The following GMFG variants were observed in gnomAD, a reference collection of about 807,000 sequenced individuals.
GMFG encodes the protein glia maturation factor gamma.
GMFG carries 21 observed loss-of-function variants against 26.1 expected under a neutral mutation model. The ratio of observed to expected loss-of-function variants is 0.80; its 90% CI spans 0.57 to 1.16. The LOEUF is 1.16. Ranked by LOEUF, GMFG falls within the 50% of genes most tolerant of loss-of-function variation. The pLI is 0.00. For synonymous variants in GMFG, 65 were observed against 60.8 expected, an observed-to-expected ratio of 1.07 and a Z score of -0.32; for missense variants, 161 against 178.3, an observed-to-expected ratio of 0.90 and a Z score of 0.55.
At chr19:39,333,244 C>G (rs2075234584) in intron 3 of GMFG, 118 bp from the exon 4 acceptor site, 3 of 497,854 alleles carry the variant, frequency 6.0e-6, no homozygotes, top group South Asian at 1.9e-5. Context: ...GGAAATCATT[C>G]AGACCATCCT....
At chr19:39,335,839 G>A (rs3786949) in intron 1 of GMFG, 135 bp downstream of exon 1, 62,616 of 718,982 alleles carry the variant, frequency 0.087, 4,231 homozygotes, top group African/African-American at 0.29. Flanking sequence ...TCTTCCAGCC[G>A]GGCTGTTCAC....
chr19:39,334,305 G>A (rs942922683), intron 3 of GMFG, among the ~76,000 whole-genome samples: 7 of 150,930 alleles, frequency 4.6e-5, no homozygotes, highest in Admixed American at 1.3e-4. Context: ...CGTGAGCCAC[G>A]GCACCCAGCC....
chr19:39,332,916 C>A, intron 4 of GMFG, 161 bp downstream of exon 4: 1 of 470,126 alleles, frequency 2.1e-6, no homozygotes, highest in Non-Finnish European at 4.0e-6. Context: ...TCCTTGACCT[C>A]CCAAAGTGCT....
At chr19:39,332,003 A>G (rs928812916) in intron 4 of GMFG, among the ~76,000 whole-genome samples, 3 of 150,824 alleles carry the variant, frequency 2.0e-5, no homozygotes, top group Non-Finnish European at 2.9e-5. Flanking sequence ...CTGGAACCAC[A>G]GGCACATGCC....
chr19:39,335,413 T>C (rs1375481474), intron 2 of GMFG, 22 bp downstream of exon 2: 9 of 1,596,112 alleles, frequency 5.6e-6, no homozygotes, highest in Non-Finnish European at 6.9e-6. Flanking sequence ...CCCATCCTTC[T>C]GTGGGGGAAG....
intron 6 of GMFG, 76 bp downstream of exon 6, chr19:39,328,924 T>G: frequency 9.9e-7 from 1 of 1,012,750 alleles, no homozygotes; most frequent in Non-Finnish European, 1.6e-6. Context: ...CAGTGAGGAC[T>G]CTAGTCCCTC....
chr19:39,332,395 T>C (rs1600492284), intron 4 of GMFG, among the ~76,000 whole-genome samples: 1 of 151,612 alleles, frequency 6.6e-6, no homozygotes, highest in Admixed American at 6.6e-5. Flanking sequence ...CTCGAACTCC[T>C]GGCCTCAGGT....
chr19:39,333,562 A>G (rs2075235860), intron 3 of GMFG, among the ~76,000 whole-genome samples: 1 of 151,598 alleles, frequency 6.6e-6, no homozygotes, highest in African/African-American at 2.4e-5. Flanking sequence ...CCTGAGCAAA[A>G]AAGATCGAAA....
chr19:39,332,002 C>T (rs1214718261), intron 4 of GMFG, among the ~76,000 whole-genome samples: 4 of 151,618 alleles, frequency 2.6e-5, no homozygotes, highest in African/African-American at 4.9e-5. Flanking sequence ...GCTGGAACCA[C>T]AGGCACATGC....
Position 39,335,459 on chromosome 19 carries a change from C to T in GMFG, c.76G>A (p.Glu26Lys), listed in dbSNP as rs777244575. 4 of 1,613,824 alleles carry T rather than the reference C, an allele frequency of 2.5e-6. No individual in the cohort carries two copies. The highest frequency in any genetic ancestry group is 8.5e-7 in the Non-Finnish European group (1 of 1,179,710). Residue 26 changes from glutamate (E) to lysine (K), a missense_variant, in exon 2 of 7, where the codon GAG becomes AAG. Coordinates refer to ENST00000597595, the MANE Select transcript of GMFG (RefSeq NM_004877.4). Reference sequence around the variant, plus strand: ...CTTATGATGGCTGCATTGTCTGTCTCTTTTCGGAAGCGGAATTTCCTCAGC... The same window carrying T: ...CTTATGATGGCTGCATTGTCTGTCTTTTTTCGGAAGCGGAATTTCCTCAGC... Reference protein sequence around the residue: ...EKLRKFRFRKETDNAAIIMKV... With the variant: ...EKLRKFRFRKKTDNAAIIMKV...
Position 39,329,548 on chromosome 19 carries a change from A to C in GMFG, c.279T>G (p.Pro93=). 6.3e-7 allele frequency: 1 copy of C among 1,586,886 alleles called. No individual in the cohort carries two copies. The highest frequency in any genetic ancestry group is 2.2e-5 in the East Asian group (1 of 44,752). Residue 93 remains proline, a synonymous_variant, in exon 5 of 7, where the codon CCT becomes CCG. Transcript: ENST00000597595. The part of the protein sequence containing the change: ...SYPLCFIFSS[P]VGCKPEQQMM... ...GACAGTAGAGCTGTGTCTCACCCAC[A>C]GGGCTGGAGAAGATGAAACACAAAG...
At chr19:39,328,572 T>C in intron 6 of GMFG, 24 bp from the exon 7 acceptor site, 1 of 1,571,602 alleles carries the variant, frequency 6.4e-7, no homozygotes, top group Non-Finnish European at 8.8e-7. Context: ...GGTCTCGGCA[T>C]TATGATCTAC....
intron 4 of GMFG, among the ~76,000 whole-genome samples, chr19:39,331,702 G>T (rs2075226888): frequency 1.3e-5 from 2 of 152,150 alleles, no homozygotes; most frequent in African/African-American, 4.8e-5. Context: ...TTGAGCCCAG[G>T]AGTTAGAGGC....
chr19:39,328,890 A>T, intron 6 of GMFG, 110 bp downstream of exon 6: 1 of 859,026 alleles, frequency 1.2e-6, no homozygotes, highest in Non-Finnish European at 2.0e-6. Context: ...AAAAAAACAA[A>T]AACAAAAACA....
intron 5 of GMFG, 31 bp from the exon 6 acceptor site, chr19:39,329,104 G>A (rs752154905): frequency 3.3e-6 from 5 of 1,508,662 alleles, no homozygotes; most frequent in Non-Finnish European, 1.8e-6. Flanking sequence ...AGGCACATCA[G>A]TGGGGACCCA....
chr19:39,332,834 T>C (rs2075232346), intron 4 of GMFG: 1 of 291,968 alleles, frequency 3.4e-6, no homozygotes, highest in Non-Finnish European at 6.6e-6. Flanking sequence ...AATTTTTGTA[T>C]TTTTAGTAGA....
At chr19:39,335,722 G>A (rs2075247026) in intron 1 of GMFG, among the ~76,000 whole-genome samples, 191 bp from the exon 2 acceptor site, 1 of 152,172 alleles carries the variant, frequency 6.6e-6, no homozygotes, top group Non-Finnish European at 1.5e-5. Flanking sequence ...TTGGGGGGCG[G>A]AGCAGAGGCT....
intron 4 of GMFG, 147 bp downstream of exon 4, chr19:39,332,930 A>C: frequency 8.9e-6 from 4 of 448,306 alleles, no homozygotes; most frequent in East Asian, 1.4e-4. Flanking sequence ...AAGTGCTGGG[A>C]TTACAGGGAT....
chr19:39,335,421 A>G lies in GMFG; in HGVS notation c.100+14T>C. 6.2e-7 allele frequency: 1 copy of G among 1,601,520 alleles called. No individual in the cohort carries two copies. On this transcript the variant is annotated intron_variant, in intron 2 of 6. Coordinates refer to ENST00000597595, the MANE Select transcript of GMFG (RefSeq NM_004877.4). ...CCGCCCTCCCATCCTTCTGTGGGGG[A>G]AGATGTCACTCACTTATGATGGCTG...
Sources: allele counts gnomAD v4.1 joint callset (sites outside exome capture counted in the v4.1 genomes callset), GRCh38; gene constraint gnomAD v4.1.1; transcripts MANE v1.5; gene names NCBI Gene and HGNC (gene_info 2026-07-23, HGNC 2026-07-21).